RALGAPB: variants seen among roughly 807,000 people sequenced by gnomAD.
RALGAPB encodes Ral GTPase activating protein non-catalytic subunit beta.
Under a neutral mutation model 161.1 loss-of-function variants are expected in RALGAPB, and 25 were observed. That is an observed-to-expected ratio of 0.16 (90% CI 0.11 to 0.22). The LOEUF is 0.22. Among genes scored for constraint, RALGAPB ranks in the 10% least tolerant of loss-of-function variants. RALGAPB has a pLI of 1.00. For synonymous variants in RALGAPB, 629 were observed against 626.1 expected, an observed-to-expected ratio of 1.00 and a Z score of -0.07; for missense variants, 1,391 against 1,815.2, an observed-to-expected ratio of 0.77 and a Z score of 4.25.
chr20:38,475,777 G>C (rs533966599), intron 1 of RALGAPB, among the ~76,000 whole-genome samples: 2 of 152,014 alleles, frequency 1.3e-5, no homozygotes, highest in East Asian at 3.9e-4. Context: ...ACCACACCTG[G>C]CTAATTTTTT....
rs1268042953 is a variant in RALGAPB at position 38,515,796 on chromosome 20, A to C, written c.873-396A>C. ...GCTCAGGCTGGAATGCATTGGCATGATCATAGCTCACTGCAGCCTCGGCCT... is the reference window on the plus strand; with the variant it reads ...GCTCAGGCTGGAATGCATTGGCATGCTCATAGCTCACTGCAGCCTCGGCCT... On this transcript the variant is annotated intron_variant, in intron 6 of 29. Transcript: ENST00000262879. Among the ~76,000 whole-genome samples the C allele has an allele frequency of 4.5e-4, 68 of 151,886 alleles. 1 individual carries two copies. The highest frequency in any genetic ancestry group is 1.2e-3 in the Admixed American group (19 of 15,232).
At chr20:38,570,883 T>C (rs1347573853) in intron 28 of RALGAPB, 36 bp downstream of exon 28, 3 of 1,341,350 alleles carry the variant, frequency 2.2e-6, no homozygotes, top group Middle Eastern at 1.8e-4. Context: ...TCAGCGTGTC[T>C]TTTTTTAACA....
At chr20:38,499,713 A>G in intron 5 of RALGAPB, 80 bp downstream of exon 5, 1 of 1,361,382 alleles carries the variant, frequency 7.3e-7, no homozygotes, top group Non-Finnish European at 9.9e-7. Flanking sequence ...ATACATTATA[A>G]CAAAGGCTGG....
intron 1 of RALGAPB, among the ~76,000 whole-genome samples, chr20:38,476,062 G>C (rs888860617): frequency 9.9e-5 from 15 of 152,214 alleles, no homozygotes; most frequent in Non-Finnish European, 1.8e-4. Context: ...TTGTCCTTGT[G>C]TGTCTGATCA....
chr20:38,520,667 A>C (rs893861207), intron 9 of RALGAPB, among the ~76,000 whole-genome samples: 1 of 151,976 alleles, frequency 6.6e-6, no homozygotes, highest in African/African-American at 2.4e-5. Context: ...GCTCATGGGA[A>C]GTTGCATAAA....
intron 5 of RALGAPB, among the ~76,000 whole-genome samples, chr20:38,504,820 A>G (rs2085707954): frequency 6.6e-6 from 1 of 152,232 alleles, no homozygotes; most frequent in African/African-American, 2.4e-5. Flanking sequence ...GAAACATATG[A>G]AAAAATGCTC....
intron 16 of RALGAPB, among the ~76,000 whole-genome samples, chr20:38,538,672 A>C (rs1370220815): frequency 1.3e-5 from 2 of 152,200 alleles, no homozygotes; most frequent in Non-Finnish European, 2.9e-5. Context: ...AAAAATACTC[A>C]ATATCATTAA....
chr20:38,530,910 A>G (rs977143559), intron 13 of RALGAPB, among the ~76,000 whole-genome samples: 1 of 138,486 alleles, frequency 7.2e-6, no homozygotes, highest in Non-Finnish European at 1.6e-5. Context: ...TTTTTTTAAT[A>G]TTTCTAGGCT....
chr20:38,567,269 A>G (rs1349751097), intron 26 of RALGAPB, 37 bp downstream of exon 26: 2 of 1,600,208 alleles, frequency 1.2e-6, no homozygotes, highest in Non-Finnish European at 1.7e-6. Flanking sequence ...AAAATTTTGT[A>G]GTGAAATCAG....
chr20:38,551,119 A>C lies in RALGAPB; in HGVS notation c.3058A>C (p.Lys1020Gln), dbSNP rs1399128429. ...AGTTCCTAAAAATGACGTTGGATTT[A>C]AATATTCTGTGAAACATCGGCCATT... ...RPVPKNDVGF[K>Q]YSVKHRPFPE... Residue 1020 changes from lysine to glutamine, a missense_variant, in exon 21 of 30, where the codon AAA (lysine) becomes CAA (glutamine). Lys to Gln is a moderately conservative substitution (Grantham distance 53). Coordinates refer to ENST00000262879, the MANE Select transcript of RALGAPB (RefSeq NM_020336.4). 6.2e-7 allele frequency: 1 copy of C among 1,613,984 alleles called. No homozygotes were observed. The highest frequency in any genetic ancestry group is 1.7e-5 in the Admixed American group (1 of 60,016).
chr20:38,525,639 C>A, intron 12 of RALGAPB, 121 bp downstream of exon 12: 2 of 852,588 alleles, frequency 2.3e-6, no homozygotes, highest in Non-Finnish European at 3.6e-6. Context: ...GTTATTTCAT[C>A]AAGTTATTTC....
intron 11 of RALGAPB, 40 bp downstream of exon 11, chr20:38,524,985 T>A: frequency 6.4e-7 from 1 of 1,558,770 alleles, no homozygotes; most frequent in Non-Finnish European, 8.8e-7. Flanking sequence ...ACTGTCTGAT[T>A]TGGCCTGGTC....
intron 15 of RALGAPB, chr20:38,534,312 G>A (rs1406583911): frequency 6.6e-6 from 1 of 152,546 alleles, no homozygotes; most frequent in Non-Finnish European, 1.5e-5. Context: ...ATCCTGATTT[G>A]TGTTAGTGTC....
At position 38,540,501 on chromosome 20, in the gene RALGAPB, T is replaced by C. The variant is rs1041681124; in HGVS notation, c.2563-540T>C. Among the ~76,000 whole-genome samples the C allele has an allele frequency of 3.9e-5, 6 of 152,254 alleles. No homozygotes were observed. The East Asian group carries it at 9.6e-4, about 24-fold the overall frequency. ...CAGTGCAAATCAAAGGAGAGATCAT[T>C]GGATATTTATAGAAACCTTTATGTA... On this transcript the variant is annotated intron_variant, in intron 17 of 29. Coordinates refer to ENST00000262879, the MANE Select transcript of RALGAPB (RefSeq NM_020336.4).
chr20:38,555,034 T>G (rs957809788), intron 22 of RALGAPB, among the ~76,000 whole-genome samples: 1 of 152,144 alleles, frequency 6.6e-6, no homozygotes, highest in Non-Finnish European at 1.5e-5. Context: ...CAGTGAGTTA[T>G]GGTCACTCCA....
intron 18 of RALGAPB, among the ~76,000 whole-genome samples, chr20:38,545,875 G>C (rs548903453): frequency 6.6e-6 from 1 of 152,334 alleles, no homozygotes; most frequent in African/African-American, 2.4e-5. Flanking sequence ...ATATGAGCTT[G>C]CTGTGTTCCA....
chr20:38,492,160 T>C (rs1305057197), intron 2 of RALGAPB, among the ~76,000 whole-genome samples: 2 of 152,224 alleles, frequency 1.3e-5, no homozygotes, highest in Admixed American at 6.5e-5. Context: ...AGTGGCACCT[T>C]CTAGTTGGAA....
At chr20:38,499,778 A>G (rs1407092212) in intron 5 of RALGAPB, 145 bp downstream of exon 5, 7 of 675,152 alleles carry the variant, frequency 1.0e-5, no homozygotes, top group Non-Finnish European at 1.5e-5. Context: ...AAATATAGAT[A>G]TAACAGTTTG....
intron 1 of RALGAPB, among the ~76,000 whole-genome samples, chr20:38,474,848 T>C (rs2084758710): frequency 6.6e-6 from 1 of 152,220 alleles, no homozygotes. Context: ...CTCAGTGGAA[T>C]GTTTGGGTCC....
Sources: allele counts gnomAD v4.1 joint callset (sites outside exome capture counted in the v4.1 genomes callset), GRCh38; gene constraint gnomAD v4.1.1; transcripts MANE v1.5; gene names NCBI Gene and HGNC (gene_info 2026-07-23, HGNC 2026-07-21).